The following OR2K2 variants were observed in gnomAD, a reference collection of about 807,000 sequenced individuals.
OR2K2 encodes olfactory receptor family 2 subfamily K member 2, also known as olfactory receptor 2K2.
A neutral mutation model predicts 11.1 loss-of-function variants in OR2K2; 7 were observed. That is an observed-to-expected ratio of 0.63 (90% CI 0.36 to 1.19). The LOEUF (loss-of-function observed/expected upper bound fraction) is 1.19, where lower values mean the gene tolerates loss of function less well. OR2K2 is among the 50% of genes most tolerant of loss of function. The probability of loss-of-function intolerance (pLI) is 0.02; values close to 1 mark genes in which losing one functional copy is unlikely to be tolerated. For missense variants in OR2K2, 391 were observed against 383.4 expected (o/e 1.02, Z -0.17); for synonymous variants, 152 against 150.8 (o/e 1.01, Z -0.06).
chr9:111,327,542 C>A lies in OR2K2; in HGVS notation c.892G>T (p.Asp298Tyr), dbSNP rs144998578. The change falls in exon 2 of 2, where the codon GAT (aspartate) becomes TAT (tyrosine). Residue 298 changes from aspartate (D) to tyrosine (Y), a missense_variant. By Grantham distance (160) the Asp-to-Tyr change is radical. Coordinates refer to ENST00000302681, the MANE Select transcript of OR2K2 (RefSeq NM_205859.2). ...IYSLRNKEVK[D>Y]AMKKLLGKIT... ...TTGCCCAGCAATTTCTTCATAGCAT[C>A]TTTGACTTCCTTGTTTCTTAAACTG... The A allele has an allele frequency of 3.1e-4, 504 of 1,612,430 alleles. No homozygotes were observed. The highest frequency in any genetic ancestry group is 4.0e-4 in the Non-Finnish European group (469 of 1,179,654).
rs1411875000 is a variant in OR2K2 at position 111,327,933 on chromosome 9, G to A, written c.501C>T (p.Pro167=). 4 of 1,614,154 alleles carry A rather than the reference G, an allele frequency of 2.5e-6. No individual in the cohort carries two copies. The highest frequency in any genetic ancestry group is 3.4e-6 in the Non-Finnish European group (4 of 1,180,042). The change falls in exon 2 of 2, where the codon CCC becomes CCT. Residue 167 remains proline, a synonymous_variant. Coordinates refer to ENST00000302681, the MANE Select transcript of OR2K2 (RefSeq NM_205859.2). The part of the protein sequence containing the change: ...LLETSFALQI[P]LCGNLIDHFT... ...AGTGATCGATGAGATTCCCACAGAGGGGTATCTGCAGGGCAAAACTGGTTT... is the reference window on the plus strand; with the variant it reads ...AGTGATCGATGAGATTCCCACAGAGAGGTATCTGCAGGGCAAAACTGGTTT...
intron 1 of OR2K2, 74 bp from the exon 2 acceptor site, chr9:111,328,556 A>G (rs746537271): frequency 5.5e-5 from 38 of 688,922 alleles, no homozygotes; most frequent in Non-Finnish European, 8.7e-5. Context: ...TATTTTCACT[A>G]TTATAAATGC....
chr9:111,328,453 T>A lies in OR2K2; in HGVS notation c.-20A>T. On this transcript the variant is annotated 5_prime_UTR_variant, in exon 2 of 2. Coordinates refer to ENST00000302681, the MANE Select transcript of OR2K2 (RefSeq NM_205859.2). ...TTGCATTTTCTTTCTTTCATCTATA[T>A]TTCTTCCAGTACTATTCCCTTCATT... is the stretch of plus-strand genomic sequence containing the variant. 6.8e-7 allele frequency: 1 copy of A among 1,471,632 alleles called. No homozygotes were observed. The highest frequency in any genetic ancestry group is 9.4e-7 in the Non-Finnish European group (1 of 1,061,190). 91.2% of individuals were successfully genotyped at this position (1,471,632 alleles called of 1,614,324 possible). A position where few individuals can be genotyped will look rare whatever the true frequency, so the allele number is the denominator to read the frequency against.
intron 1 of OR2K2, among the ~76,000 whole-genome samples, chr9:111,329,452 C>A (rs1435356260): frequency 6.6e-6 from 1 of 152,128 alleles, no homozygotes; most frequent in Non-Finnish European, 1.5e-5. Flanking sequence ...AGCCCCATAT[C>A]TTTGTGAGTT....
At position 111,328,395 on chromosome 9, in the gene OR2K2, G is replaced by A; in HGVS notation, c.39C>T (p.Phe13=). ...GENFTIWSIF[F]LEGFSQYPGL... ...CTGGGTACTGGGAAAATCCCTCCAA[G>A]AAAAAAATGCTCCAAATGGTGAAGT... The change falls in exon 2 of 2, where the codon TTC becomes TTT. Residue 13 remains phenylalanine, a synonymous_variant. Coordinates refer to ENST00000302681, the MANE Select transcript of OR2K2 (RefSeq NM_205859.2). The A allele has an allele frequency of 6.2e-7, 1 of 1,611,340 alleles. No individual in the cohort carries two copies. Among genetic ancestry groups the A allele is most frequent in the Non-Finnish European group, 8.5e-7 (1 of 1,179,836 alleles).
chr9:111,327,463 G>T lies in OR2K2; in HGVS notation c.*20C>A. On this transcript the variant is annotated 3_prime_UTR_variant, in exon 2 of 2. Transcript: ENST00000302681. ...GAGCTCTGCCAGGGGCACATCTCTG[G>T]TAAAACCATAGGGACCCAATCAGAG... The T allele has an allele frequency of 6.6e-7, 1 of 1,525,926 alleles. No individual in the cohort carries two copies. The highest frequency in any genetic ancestry group is 8.9e-7 in the Non-Finnish European group (1 of 1,123,104). 94.5% of individuals were successfully genotyped at this position (1,525,926 alleles called of 1,614,324 possible). A position where few individuals can be genotyped will look rare whatever the true frequency, so the allele number is the denominator to read the frequency against.
rs751046224 is a variant in OR2K2 at position 111,328,395 on chromosome 9, GA to G, written c.38del (p.Phe13SerfsTer11). On this transcript the variant is annotated frameshift_variant, in exon 2 of 2. Transcript: ENST00000302681. LOFTEE classifies it high-confidence loss of function. The part of the protein sequence containing the change: ...GENFTIWSIF[F>X]LEGFSQYPGL... Reference sequence around the variant, plus strand: ...CTGGGTACTGGGAAAATCCCTCCAAGAAAAAAATGCTCCAAATGGTGAAGTT... The same window carrying G: ...CTGGGTACTGGGAAAATCCCTCCAAGAAAAAATGCTCCAAATGGTGAAGTT... The G allele has an allele frequency of 1.3e-5, 21 of 1,611,218 alleles. No individual in the cohort carries two copies. Among genetic ancestry groups the G allele is most frequent in the Non-Finnish European group, 1.6e-5 (19 of 1,179,840 alleles).
chr9:111,327,498 T>C lies in OR2K2; in HGVS notation c.936A>G (p.Thr312=). The change falls in exon 2 of 2, where the codon ACA becomes ACG. Residue 312 remains threonine (T), a synonymous_variant. Coordinates refer to ENST00000302681, the MANE Select transcript of OR2K2 (RefSeq NM_205859.2). ...KLLGKITLHQ[T]HEHL The stretch of plus-strand genomic sequence containing the variant: ...AGGGACCCAATCAGAGATGTTCGTG[T>C]GTTTGATGCAATGTTATTTTGCCCA... 6.2e-7 allele frequency: 1 copy of C among 1,602,422 alleles called. No individual in the cohort carries two copies. Among genetic ancestry groups the C allele is most frequent in the Middle Eastern group, 1.7e-4 (1 of 5,986 alleles).
chr9:111,329,085 G>A (rs889125919), intron 1 of OR2K2, among the ~76,000 whole-genome samples: 5 of 151,938 alleles, frequency 3.3e-5, no homozygotes, highest in African/African-American at 4.8e-5. Context: ...ATGTGGTGGC[G>A]CACATCTGTG....
chr9:111,328,379 G>T lies in OR2K2; in HGVS notation c.55C>A (p.Gln19Lys). Residue 19 changes from glutamine (Q) to lysine (K), a missense_variant, in exon 2 of 2, where the codon CAG becomes AAG. Gln to Lys is a moderately conservative substitution (Grantham distance 53). Transcript: ENST00000302681. ...WSIFFLEGFS[Q>K]YPGLEVVLFV... is the part of the protein sequence containing the mutation. ...AGAACCACTTCTAACCCTGGGTACTGGGAAAATCCCTCCAAGAAAAAAATG... is the reference window on the plus strand; with the variant it reads ...AGAACCACTTCTAACCCTGGGTACTTGGAAAATCCCTCCAAGAAAAAAATG... 1 of 1,613,052 alleles carries T rather than the reference G, an allele frequency of 6.2e-7. No homozygotes were observed. The highest frequency in any genetic ancestry group is 8.5e-7 in the Non-Finnish European group (1 of 1,179,972).
At position 111,328,031 on chromosome 9, in the gene OR2K2, T is replaced by C. The variant is rs776188391; in HGVS notation, c.403A>G (p.Ile135Val). 3 of 1,614,072 alleles carry C rather than the reference T, an allele frequency of 1.9e-6. No homozygotes were observed. The highest frequency in any genetic ancestry group is 8.5e-7 in the Non-Finnish European group (1 of 1,180,034). ...AICNPLRYSIIMNRCVCARMA... is the reference protein window; with the variant it reads ...AICNPLRYSIVMNRCVCARMA... ...CGTGCACAGACGCACCTGTTCATGA[T>C]GATGGAGTATCTCAGCGGGTTACAA... Residue 135 changes from isoleucine to valine, a missense_variant, in exon 2 of 2, where the codon ATC becomes GTC. By Grantham distance (29) the Ile-to-Val change is conservative. Coordinates refer to ENST00000302681, the MANE Select transcript of OR2K2 (RefSeq NM_205859.2).
chr9:111,328,986 G>A (rs1369190025), intron 1 of OR2K2, among the ~76,000 whole-genome samples: 6 of 152,236 alleles, frequency 3.9e-5, no homozygotes, highest in East Asian at 1.9e-4. Flanking sequence ...AGGCTGAGGC[G>A]GGTGGATTGC....
Position 111,328,301 on chromosome 9 carries a change from G to C in OR2K2, c.133C>G (p.Leu45Val), listed in dbSNP as rs2098101888. ...GAATCTAGGATAGTGATCAAAATAA[G>C]AGTGCTGTTGCCCAAGAGCGTTGTC... The part of the protein sequence containing the change: ...YLTTLLGNST[L>V]ILITILDSRL... Residue 45 changes from leucine to valine, a missense_variant, in exon 2 of 2, where the codon CTT becomes GTT. By Grantham distance (32) the Leu-to-Val change is conservative (BLOSUM62 1). Transcript: ENST00000302681. 1.7e-5 allele frequency: 27 copies of C among 1,614,012 alleles called. No individual in the cohort carries two copies. The highest frequency in any genetic ancestry group is 2.2e-5 in the Non-Finnish European group (26 of 1,180,000).
chr9:111,329,821 A>T (rs1381583892), intron 1 of OR2K2, among the ~76,000 whole-genome samples: 8 of 152,220 alleles, frequency 5.3e-5, no homozygotes, highest in African/African-American at 1.9e-4. Context: ...TTAACAAAAA[A>T]TTATTACAAA....
At position 111,327,549 on chromosome 9, in the gene OR2K2, T is replaced by A; in HGVS notation, c.885A>T (p.Glu295Asp). 1.2e-6 allele frequency: 2 copies of A among 1,612,370 alleles called. No individual in the cohort carries two copies. The highest frequency in any genetic ancestry group is 1.7e-6 in the Non-Finnish European group (2 of 1,179,642). Residue 295 changes from glutamate to aspartate, a missense_variant, in exon 2 of 2, where the codon GAA becomes GAT. By Grantham distance (45) the Glu-to-Asp change is conservative. Transcript: ENST00000302681. The part of the protein sequence containing the change: ...NPIIYSLRNK[E>D]VKDAMKKLLG... ...GCAATTTCTTCATAGCATCTTTGACTTCCTTGTTTCTTAAACTGTAAATTA... is the reference window on the plus strand; with the variant it reads ...GCAATTTCTTCATAGCATCTTTGACATCCTTGTTTCTTAAACTGTAAATTA...
chr9:111,328,972 T>G (rs934094585), intron 1 of OR2K2, among the ~76,000 whole-genome samples: 1 of 152,156 alleles, frequency 6.6e-6, no homozygotes, highest in African/African-American at 2.4e-5. Flanking sequence ...CCCAGCACTT[T>G]GGGAGGCTGA....
Position 111,328,264 on chromosome 9 carries a change from G to A in OR2K2, c.170C>T (p.Thr57Ile). The A allele has an allele frequency of 6.2e-7, 1 of 1,614,134 alleles. No homozygotes were observed. The highest frequency in any genetic ancestry group is 8.5e-7 in the Non-Finnish European group (1 of 1,180,004). ...LITILDSRLK[T>I]PMYLFLGNLS... ...ATTTCCAAGGAATAAGTACATGGGGGTTTTAAGGCGTGAATCTAGGATAGT... is the reference window on the plus strand; with the variant it reads ...ATTTCCAAGGAATAAGTACATGGGGATTTTAAGGCGTGAATCTAGGATAGT... The change falls in exon 2 of 2, where the codon ACC becomes ATC. Residue 57 changes from threonine to isoleucine, a missense_variant. Transcript: ENST00000302681.
chr9:111,328,058 T>C lies in OR2K2; in HGVS notation c.376A>G (p.Ile126Val), dbSNP rs766480124. The C allele has an allele frequency of 6.2e-7, 1 of 1,614,132 alleles. No homozygotes were observed. The highest frequency in any genetic ancestry group is 1.1e-5 in the South Asian group (1 of 91,074). ...ATGGAGTATCTCAGCGGGTTACAAA[T>C]GGCCACATAACGGTCATATGCCATC... is the stretch of plus-strand genomic sequence containing the variant. The part of the protein sequence containing the change: ...AVMAYDRYVA[I>V]CNPLRYSIIM... Residue 126 changes from isoleucine to valine, a missense_variant, in exon 2 of 2, where the codon ATT (isoleucine) becomes GTT (valine). Transcript: ENST00000302681.
chr9:111,328,490 C>T lies in OR2K2; in HGVS notation c.-49-8G>A. ...CTATTCCCTTCATTTAATCTGAGGA[C>T]ATAAAGAAATGAATAAAGTGTGATA... is the stretch of plus-strand genomic sequence containing the variant. On this transcript the variant is annotated splice_region_variant and splice_polypyrimidine_tract_variant and intron_variant, in intron 1 of 1. Coordinates refer to ENST00000302681, the MANE Select transcript of OR2K2 (RefSeq NM_205859.2). 8.6e-7 allele frequency: 1 copy of T among 1,160,166 alleles called. No homozygotes were observed. The highest frequency in any genetic ancestry group is 1.2e-6 in the Non-Finnish European group (1 of 801,600). The allele number at this position is 1,160,166 out of a possible 1,614,324, so 71.9% of individuals were successfully genotyped here.
Sources: allele counts gnomAD v4.1 joint callset (sites outside exome capture counted in the v4.1 genomes callset), GRCh38; gene constraint gnomAD v4.1.1; transcripts MANE v1.5; gene names NCBI Gene and HGNC (gene_info 2026-07-23, HGNC 2026-07-21).